The following PRKDC variants were observed in gnomAD, a reference collection of about 807,000 sequenced individuals.
PRKDC encodes DNA-dependent protein kinase catalytic subunit.
In PRKDC, 82 loss-of-function variants were observed where a neutral mutation model predicts 486.9. The observed-to-expected ratio is 0.17, with a 90% CI of 0.14 to 0.20. The LOEUF is 0.20. PRKDC is among the 10% of genes least tolerant of loss of function. The probability of loss-of-function intolerance (pLI) is 1.00; values close to 1 mark genes in which losing one functional copy is unlikely to be tolerated. For missense variants in PRKDC, 4,504 were observed against 5,038.2 expected (o/e 0.89, Z 3.21); for synonymous variants, 1,895 against 1,837.0 (o/e 1.03, Z -0.81).
chr8:47,890,156 A>G lies in PRKDC; in HGVS notation c.4071+101T>C, dbSNP rs146480351. Reference sequence around the variant, plus strand: ...TAATAATAATAATAATAATAATAATAATGATAAATTTTTATTAAAAGCCAA... The same window carrying G: ...TAATAATAATAATAATAATAATAATGATGATAAATTTTTATTAAAAGCCAA... On this transcript the variant is annotated intron_variant, in intron 32 of 85. Transcript: ENST00000314191. The G allele has an allele frequency of 9.0e-4, 418 of 462,110 alleles. 2 individuals carry two copies. Among genetic ancestry groups the G allele is most frequent in the African/African-American group, 7.0e-3 (330 of 46,938 alleles). The allele number at this position is 462,110 out of a possible 1,614,324, so 28.6% of individuals were successfully genotyped here.
chr8:47,879,579 T>A lies in PRKDC; in HGVS notation c.5147A>T (p.Gln1716Leu). The part of the protein sequence containing the change: ...SLEELRRVLE[Q>L]LIVAHFPMQS... ...CATGGGGAAGTGAGCAACGATGAGC[T>A]GCTCCAGAACACGTCTAAGTTCCTC... is the stretch of plus-strand genomic sequence containing the variant. The change falls in exon 39 of 86, where the codon CAG (glutamine) becomes CTG (leucine). Residue 1716 changes from glutamine to leucine, a missense_variant. Gln to Leu is a moderately radical substitution (Grantham distance 113, BLOSUM62 -2). Transcript: ENST00000314191. 1 of 1,598,046 alleles carries A rather than the reference T, an allele frequency of 6.3e-7. No individual in the cohort carries two copies. The highest frequency in any genetic ancestry group is 1.7e-5 in the Admixed American group (1 of 57,560).
chr8:47,877,965 T>C (rs1341944033), intron 39 of PRKDC, 114 bp from the exon 40 acceptor site: 2 of 711,616 alleles, frequency 2.8e-6, no homozygotes, highest in African/African-American at 1.9e-5. Flanking sequence ...AAATATAACA[T>C]ACAGAAAAAT....
Position 47,783,374 on chromosome 8 carries a change from G to A in PRKDC, c.11175+368C>T, listed in dbSNP as rs1018197001. Among the ~76,000 whole-genome samples the A allele has an allele frequency of 3.3e-5, 5 of 151,678 alleles. No individual in the cohort carries two copies. In the East Asian group the frequency reaches 9.7e-4, roughly 29 times the overall value. ...GGAGGCGGAGGTGGATGGATCATGA[G>A]GTCAGGAGTTCAAGACCAGCCTAGC... On this transcript the variant is annotated intron_variant, in intron 78 of 85. Coordinates refer to ENST00000314191, the MANE Select transcript of PRKDC (RefSeq NM_006904.7).
rs1191048680 is a variant in PRKDC, at chr8:47,819,390, G to GA, written c.9445+11dup. 6.8e-7 allele frequency: 1 copy of GA among 1,464,104 alleles called. No homozygotes were observed. Among genetic ancestry groups the GA allele is most frequent in the Non-Finnish European group, 9.2e-7 (1 of 1,085,752 alleles). 90.7% of individuals were successfully genotyped at this position (1,464,104 alleles called of 1,614,324 possible). A position where few individuals can be genotyped will look rare whatever the true frequency, so the allele number is the denominator to read the frequency against. On this transcript the variant is annotated intron_variant, in intron 67 of 85. Coordinates refer to ENST00000314191, the MANE Select transcript of PRKDC (RefSeq NM_006904.7). ...TTAGAAATGAAAAAAAAAGACCGAT[G>GA]AAAAAAATTACCTTGTTTGCTTATA...
At chr8:47,860,834 GAACAA>G (rs1384015386) in intron 45 of PRKDC, 60 bp downstream of exon 45, 21 of 1,296,046 alleles carry the variant, frequency 1.6e-5, no homozygotes, top group East Asian at 2.4e-5. Context: ...ATTTGTCTTA[GAACAA>G]AACAAAACAA....
At chr8:47,939,495 T>A in intron 11 of PRKDC, 56 bp downstream of exon 11, 4 of 1,548,320 alleles carry the variant, frequency 2.6e-6, no homozygotes, top group Non-Finnish European at 3.5e-6. Context: ...TGAATTAGAT[T>A]CCTTTAAACA....
chr8:47,913,841 C>CT (rs773044719), intron 24 of PRKDC, 60 bp downstream of exon 24: 12 of 1,426,838 alleles, frequency 8.4e-6, no homozygotes, highest in Non-Finnish European at 1.0e-5. Flanking sequence ...ATATCCTAAG[C>CT]AATATGTATT....
chr8:47,943,133 A>ACATG (rs1229283165), intron 10 of PRKDC, 76 bp downstream of exon 10: 2 of 1,460,646 alleles, frequency 1.4e-6, no homozygotes, highest in Non-Finnish European at 1.9e-6. Context: ...TTATTTTCAA[A>ACATG]CATGCATGCA....
rs1256014901 is a variant in PRKDC at position 47,819,453 on chromosome 8, C to G, written c.9394G>C (p.Val3132Leu). 2 of 1,540,862 alleles carry G rather than the reference C, an allele frequency of 1.3e-6. No individual in the cohort carries two copies. The highest frequency in any genetic ancestry group is 1.7e-6 in the Non-Finnish European group (2 of 1,152,274). ...TCCTGAATTTCTGTTAAAGCCTGTA[C>G]AGACTGCAATTTGGTGAGTCTACTT... The part of the protein sequence containing the change: ...HQSRLTKLQS[V>L]QALTEIQEFI... The change falls in exon 67 of 86, where the codon GTA (valine) becomes CTA (leucine). Residue 3132 changes from valine to leucine, a missense_variant. Physicochemically the swap from Val to Leu is conservative, Grantham distance 32 (BLOSUM62 1). Transcript: ENST00000314191.
At chr8:47,958,199 A>G (rs1168064084) in intron 1 of PRKDC, among the ~76,000 whole-genome samples, 1 of 152,182 alleles carries the variant, frequency 6.6e-6, no homozygotes, top group Non-Finnish European at 1.5e-5. Flanking sequence ...GGGACTTGAC[A>G]TGCTGTTGCT....
chr8:47,941,085 G>T (rs1426355136), intron 10 of PRKDC, among the ~76,000 whole-genome samples: 13 of 149,978 alleles, frequency 8.7e-5, no homozygotes, highest in Non-Finnish European at 1.5e-4. Context: ...ACCCAAGCTT[G>T]CGCTACTGCA....
chr8:47,931,828 T>C (rs777466324), intron 16 of PRKDC, among the ~76,000 whole-genome samples: 2 of 152,184 alleles, frequency 1.3e-5, no homozygotes, highest in Admixed American at 6.5e-5. Flanking sequence ...CAAATTACCA[T>C]GGAGTCCAGT....
Position 47,807,183 on chromosome 8 carries a change from C to T in PRKDC, c.9701G>A (p.Cys3234Tyr), listed in dbSNP as rs200865966. The change falls in exon 69 of 86, where the codon TGC becomes TAC. Residue 3234 changes from cysteine to tyrosine, a missense_variant. Transcript: ENST00000314191. ...CATCTTCATTTTCATGGAAAACTTG[C>T]AACTCCTGATCAGGGAGCTGATATC... ...EEDISSLIRS[C>Y]KFSMKMKMID... The T allele has an allele frequency of 4.0e-5, 64 of 1,613,910 alleles. No individual in the cohort carries two copies. The African/African-American group carries it at 6.9e-4, about 17-fold the overall frequency.
intron 66 of PRKDC, 109 bp from the exon 67 acceptor site, chr8:47,819,619 T>C: frequency 2.0e-6 from 1 of 500,212 alleles, no homozygotes; most frequent in Non-Finnish European, 3.4e-6. Context: ...AATGTAGCAA[T>C]TATTCTATAA....
intron 25 of PRKDC, among the ~76,000 whole-genome samples, chr8:47,909,700 G>A (rs2154502675): frequency 6.6e-6 from 1 of 152,238 alleles, no homozygotes; most frequent in Middle Eastern, 3.4e-3. Context: ...TGACCCTGGG[G>A]AAGGAATGCA....
intron 38 of PRKDC, among the ~76,000 whole-genome samples, chr8:47,880,339 A>C (rs2089186729): frequency 6.6e-6 from 1 of 152,246 alleles, no homozygotes; most frequent in African/African-American, 2.4e-5. Context: ...TTACAACTAC[A>C]CATTGCAGAA....
chr8:47,835,731 C>A (rs1175763923), intron 58 of PRKDC, among the ~76,000 whole-genome samples: 2 of 148,492 alleles, frequency 1.3e-5, no homozygotes, highest in Non-Finnish European at 3.0e-5. Flanking sequence ...CGCTGCTGTA[C>A]AACCATCAAC....
intron 40 of PRKDC, among the ~76,000 whole-genome samples, chr8:47,873,220 T>G (rs1589756951): frequency 1.0e-5 from 1 of 96,708 alleles, no homozygotes; most frequent in African/African-American, 4.2e-5. Flanking sequence ...ACAGCAAGAC[T>G]CCATCTCAAA....
intron 68 of PRKDC, among the ~76,000 whole-genome samples, chr8:47,815,153 A>G (rs2087416729): frequency 6.6e-6 from 1 of 152,232 alleles, no homozygotes; most frequent in South Asian, 2.1e-4. Context: ...CTCAAAAAAA[A>G]GAAAAGTTCG....
Sources: gnomAD v4.1 joint callset for allele counts (sites outside exome capture counted in the v4.1 genomes callset) on GRCh38, gnomAD v4.1.1 for gene constraint, MANE v1.5 for transcripts, NCBI Gene and HGNC (gene_info 2026-07-23, HGNC 2026-07-21) for gene names.